Variants in NXPE3 observed in about 807,000 individuals in gnomAD.
NXPE3 encodes NXPE family member 3.
Under a neutral mutation model 46.1 loss-of-function variants are expected in NXPE3, and 26 were observed. That is an observed-to-expected ratio of 0.56 (90% confidence interval 0.41 to 0.78). The LOEUF (loss-of-function observed/expected upper bound fraction) is 0.78. NXPE3 is among the 30% of genes least tolerant of loss of function. NXPE3 has a pLI of 0.00. For synonymous variants in NXPE3, 272 were observed against 257.9 expected (o/e 1.05, Z -0.52); for missense variants, 620 against 686.0 (o/e 0.90, Z 1.07).
intron 7 of NXPE3, 89 bp from the exon 8 acceptor site, chr3:101,821,314 AT>A: frequency 9.7e-7 from 1 of 1,034,096 alleles, no homozygotes; most frequent in Non-Finnish European, 1.4e-6. Flanking sequence ...TTAAAAAAAA[AT>A]TGTTATTTGA....
intron 3 of NXPE3, among the ~76,000 whole-genome samples, chr3:101,784,683 G>T (rs1238996852): frequency 1.3e-5 from 2 of 152,174 alleles, no homozygotes; most frequent in African/African-American, 4.8e-5. Context: ...TTACGTGGGA[G>T]AACAGTTAGG....
chr3:101,817,112 G>A, intron 7 of NXPE3, 111 bp downstream of exon 7: 2 of 945,178 alleles, frequency 2.1e-6, no homozygotes, highest in Non-Finnish European at 3.4e-6. Flanking sequence ...ATATATTTCT[G>A]TGTAGGACTA....
rs1410544143 is a variant in NXPE3, at chr3:101,797,574, C to T, written c.94-3661C>T. ...TATCTCCCAATGCTATCCCTCCCCC[C>T]TCCCCCGACCCCACCACAGTCCCCA... On this transcript the variant is annotated intron_variant, in intron 4 of 7. Transcript: ENST00000273347. 5.5e-5 allele frequency among the ~76,000 whole-genome samples: 6 copies of T among 108,316 alleles called. No homozygotes were observed. In the East Asian group the frequency reaches 1.4e-3, roughly 25 times the overall value. The allele number at this position is 108,316 out of a possible 152,430, so 71.1% of individuals were successfully genotyped here. A position where few individuals can be genotyped will look rare whatever the true frequency, so the allele number is the denominator to read the frequency against.
At chr3:101,790,580 T>C (rs1037805609) in intron 4 of NXPE3, among the ~76,000 whole-genome samples, 6 of 152,160 alleles carry the variant, frequency 3.9e-5, no homozygotes, top group Admixed American at 3.9e-4. Flanking sequence ...GTATATCTTT[T>C]TCCATAATTT....
At chr3:101,821,290 C>A (rs918148307) in intron 7 of NXPE3, 114 bp from the exon 8 acceptor site, 46 of 773,802 alleles carry the variant, frequency 5.9e-5, no homozygotes, top group Non-Finnish European at 6.2e-6. Context: ...TTATATTGTA[C>A]CTTTTTGTTG....
chr3:101,798,600 ATAT>A (rs1940971264), intron 4 of NXPE3, among the ~76,000 whole-genome samples: 1 of 127,338 alleles, frequency 7.9e-6, no homozygotes, highest in African/African-American at 3.0e-5. Flanking sequence ...ATATATATAT[ATAT>A]TTTTTTTTTT....
chr3:101,789,952 A>G (rs922119267), intron 4 of NXPE3, among the ~76,000 whole-genome samples: 1 of 152,142 alleles, frequency 6.6e-6, no homozygotes, highest in African/African-American at 2.4e-5. Context: ...AAGCCTCCCA[A>G]AGTGCTGCGA....
intron 5 of NXPE3, 118 bp from the exon 6 acceptor site, chr3:101,806,935 A>G (rs1442271758): frequency 1.6e-5 from 12 of 728,538 alleles, no homozygotes; most frequent in Middle Eastern, 2.3e-4. Flanking sequence ...ATTCATAAGT[A>G]TATTTCATCA....
chr3:101,796,923 T>C (rs1209082784), intron 4 of NXPE3, among the ~76,000 whole-genome samples: 1 of 152,214 alleles, frequency 6.6e-6, no homozygotes, highest in African/African-American at 2.4e-5. Flanking sequence ...AAGGAAATGC[T>C]ATAGCTATTG....
Position 101,826,403 on chromosome 3 carries a change from AT to A in NXPE3, c.*4450del, listed in dbSNP as rs1420068028. 3 of 152,196 alleles carry A rather than the reference AT, an allele frequency of 2.0e-5. No homozygotes were observed. The highest frequency in any genetic ancestry group is 4.4e-5 in the Non-Finnish European group (3 of 68,030). 9.4% of individuals were successfully genotyped at this position (152,196 alleles called of 1,614,324 possible). A position where few individuals can be genotyped will look rare whatever the true frequency, so the allele number is the denominator to read the frequency against. ...GCTTTTTAACATCAGCTAGTCACTA[AT>A]GCCAGAAATTCCACTTCAAGTGTAT... On this transcript the variant is annotated 3_prime_UTR_variant, in exon 8 of 8. Coordinates refer to ENST00000273347, the MANE Select transcript of NXPE3 (RefSeq NM_145037.4).
At position 101,821,429 on chromosome 3, in the gene NXPE3, T is replaced by C. The variant is rs1942241590; in HGVS notation, c.1155T>C (p.Ser385=). 6.2e-7 allele frequency: 1 copy of C among 1,613,882 alleles called. No homozygotes were observed. Among genetic ancestry groups the C allele is most frequent in the Admixed American group, 1.7e-5 (1 of 60,002 alleles). Residue 385 remains serine, a synonymous_variant, in exon 8 of 8, where the codon AGT becomes AGC. Coordinates refer to ENST00000273347, the MANE Select transcript of NXPE3 (RefSeq NM_145037.4). The part of the protein sequence containing the change: ...VPDLVEFNLG[S]PKNVGPFLAV... Reference sequence around the variant, plus strand: ...ATTTAGTGGAGTTTAACTTGGGTAGTCCCAAGAATGTGGGTCCCTTCCTTG... The same window carrying C: ...ATTTAGTGGAGTTTAACTTGGGTAGCCCCAAGAATGTGGGTCCCTTCCTTG...
chr3:101,807,153 T>G (rs1941456348), intron 6 of NXPE3, 27 bp downstream of exon 6: 1 of 1,574,688 alleles, frequency 6.4e-7, no homozygotes, highest in African/African-American at 1.4e-5. Flanking sequence ...GCTTGATGAT[T>G]TGTTGTTTTT....
chr3:101,797,424 AT>A (rs5851282), intron 4 of NXPE3, among the ~76,000 whole-genome samples: 33,918 of 142,894 alleles, frequency 0.24, 3,793 homozygotes, highest in Middle Eastern at 0.34. Context: ...TTTTTTTTTA[AT>A]TTTTTTTTTT....
intron 3 of NXPE3, among the ~76,000 whole-genome samples, chr3:101,784,476 G>A (rs1429381703): frequency 6.6e-6 from 1 of 152,136 alleles, no homozygotes; most frequent in African/African-American, 2.4e-5. Context: ...ATGGGGGCTT[G>A]CCAGGTCCAA....
At chr3:101,817,118 G>T in intron 7 of NXPE3, 117 bp downstream of exon 7, 1 of 866,204 alleles carries the variant, frequency 1.2e-6, no homozygotes, top group Non-Finnish European at 1.9e-6. Flanking sequence ...TTCTGTGTAG[G>T]ACTAAAGAGG....
chr3:101,805,149 C>T (rs1015033587), intron 5 of NXPE3, among the ~76,000 whole-genome samples: 2 of 152,110 alleles, frequency 1.3e-5, no homozygotes, highest in African/African-American at 2.4e-5. Context: ...ATAAATATGC[C>T]TCTCCTAAGA....
chr3:101,801,620 G>A lies in NXPE3; in HGVS notation c.479G>A (p.Arg160Lys). ...AAGCTGCAGGCTGGGGCTGTGGGCAGGGTGGTGGATTACCAGAATGGGTTT... is the reference window on the plus strand; with the variant it reads ...AAGCTGCAGGCTGGGGCTGTGGGCAAGGTGGTGGATTACCAGAATGGGTTT... ...SLKLQAGAVG[R>K]VVDYQNGFYK... Residue 160 changes from arginine (R) to lysine (K), a missense_variant, in exon 5 of 8, where the codon AGG (arginine) becomes AAG (lysine). Around this residue, in one of 3 missense-constraint regions of NXPE3, gnomAD observed 511 missense variants for 528.6 expected, o/e 0.97. Coordinates refer to ENST00000273347, the MANE Select transcript of NXPE3 (RefSeq NM_145037.4). 1 of 1,614,212 alleles carries A rather than the reference G, an allele frequency of 6.2e-7. No individual in the cohort carries two copies. Among genetic ancestry groups the A allele is most frequent in the Non-Finnish European group, 8.5e-7 (1 of 1,180,034 alleles).
intron 7 of NXPE3, among the ~76,000 whole-genome samples, chr3:101,818,745 ATATATATATTTTTTTTTTTT>A (rs1294251543): frequency 2.3e-4 from 5 of 21,680 alleles, no homozygotes; most frequent in Admixed American, 7.5e-4. Flanking sequence ...ATATATATAT[ATATATATATTTTTTTTTTTT>A]TTTTTTTTTT....
intron 7 of NXPE3, among the ~76,000 whole-genome samples, chr3:101,819,300 C>A (rs1338410186): frequency 6.6e-6 from 1 of 152,294 alleles, no homozygotes; most frequent in African/African-American, 2.4e-5. Context: ...GGTGCACGTA[C>A]TAAGTGATGA....
Sources: gnomAD v4.1 joint callset for allele counts (sites outside exome capture counted in the v4.1 genomes callset) on GRCh38, gnomAD v4.1.1 for gene constraint, gnomAD v4.1.1 regional missense constraint, MANE v1.5 for transcripts, NCBI Gene and HGNC (gene_info 2026-07-23, HGNC 2026-07-21) for gene names.